DPYD: variants seen among roughly 807,000 people sequenced by gnomAD.
The protein encoded by DPYD is dihydropyrimidine dehydrogenase.
A neutral mutation model predicts 116.2 loss-of-function variants in DPYD; 109 were observed. The ratio of observed to expected loss-of-function variants is 0.94; its 90% CI spans 0.80 to 1.10. The LOEUF is 1.10. Ranked by LOEUF, DPYD falls within the 50% of genes least tolerant of loss-of-function variation. The pLI is 0.00. For missense variants in DPYD, 1,302 were observed against 1,254.5 expected (o/e 1.04, Z -0.57); for synonymous variants, 440 against 432.0 (o/e 1.02, Z -0.23).
chr1:97,316,781 C>T (rs1405685853), intron 16 of DPYD, among the ~76,000 whole-genome samples: 1 of 151,790 alleles, frequency 6.6e-6, no homozygotes, highest in Non-Finnish European at 1.5e-5. Flanking sequence ...AGCCTCTATG[C>T]CTGCCTGAAT....
intron 19 of DPYD, among the ~76,000 whole-genome samples, chr1:97,222,755 A>G (rs899647120): frequency 6.6e-6 from 1 of 152,098 alleles, no homozygotes; most frequent in African/African-American, 2.4e-5. Flanking sequence ...TAAAGTTGTA[A>G]GTGAAACATT....
At chr1:97,633,993 A>AT (rs1361773517) in intron 8 of DPYD, among the ~76,000 whole-genome samples, 4 of 152,058 alleles carry the variant, frequency 2.6e-5, no homozygotes, top group African/African-American at 9.7e-5. Context: ...TTTTAGACAG[A>AT]TAAGGGGAAA....
chr1:97,841,977 TA>T (rs895900234), intron 2 of DPYD, among the ~76,000 whole-genome samples: 19 of 151,906 alleles, frequency 1.3e-4, no homozygotes, highest in African/African-American at 4.3e-4. Flanking sequence ...ATATGTAGAA[TA>T]AAAATTTGCA....
intron 19 of DPYD, among the ~76,000 whole-genome samples, chr1:97,227,552 A>T (rs895638572): frequency 4.0e-5 from 6 of 151,858 alleles, no homozygotes; most frequent in Admixed American, 3.9e-4. Flanking sequence ...ACCCACAAAA[A>T]TTTTAAGAAG....
intron 1 of DPYD, among the ~76,000 whole-genome samples, chr1:97,909,676 T>G (rs928560311): frequency 6.6e-6 from 1 of 152,058 alleles, no homozygotes; most frequent in Non-Finnish European, 1.5e-5. Flanking sequence ...TCCTCCTCCC[T>G]TGGTTTCTTG....
intron 5 of DPYD, among the ~76,000 whole-genome samples, chr1:97,707,130 AGTCATTAGGTCATGAC>A (rs1480991416): frequency 6.6e-6 from 1 of 152,056 alleles, no homozygotes; most frequent in Non-Finnish European, 1.5e-5. Flanking sequence ...GTTTTTAAAA[AGTCATTAGGTCATGAC>A]TTAGGAGGTG....
chr1:97,887,189 T>C (rs1345344655), intron 1 of DPYD, among the ~76,000 whole-genome samples: 1 of 151,854 alleles, frequency 6.6e-6, no homozygotes, highest in Admixed American at 6.6e-5. Flanking sequence ...AAATAGTATA[T>C]CCAGGCCAGG....
At chr1:97,156,036 T>C (rs1299556821) in intron 20 of DPYD, among the ~76,000 whole-genome samples, 1 of 152,196 alleles carries the variant, frequency 6.6e-6, no homozygotes, top group Non-Finnish European at 1.5e-5. Context: ...TTGGGTACCA[T>C]GTTGTGAGTA....
chr1:97,501,807 G>T (rs958563122), intron 13 of DPYD, among the ~76,000 whole-genome samples: 1 of 151,978 alleles, frequency 6.6e-6, no homozygotes, highest in Non-Finnish European at 1.5e-5. Flanking sequence ...CTTTGAGTCA[G>T]CTACGAAGAA....
At chr1:97,720,125 G>A (rs1414629979) in intron 5 of DPYD, 1 of 984,262 alleles carries the variant, frequency 1.0e-6, no homozygotes, top group Non-Finnish European at 1.2e-6. Flanking sequence ...GAGGAATAAT[G>A]TATTTCCCTG....
intron 4 of DPYD, among the ~76,000 whole-genome samples, chr1:97,738,822 A>G (rs1301019005): frequency 1.3e-5 from 2 of 152,164 alleles, no homozygotes; most frequent in Non-Finnish European, 2.9e-5. Flanking sequence ...GAATATGAAC[A>G]AATTAATGAA....
chr1:97,487,794 A>G (rs1327682443), intron 13 of DPYD, among the ~76,000 whole-genome samples: 2 of 152,248 alleles, frequency 1.3e-5, no homozygotes, highest in East Asian at 1.9e-4. Context: ...AAGAATGTGG[A>G]AAAACTAGAT....
At chr1:97,878,119 C>A (rs1040378574) in intron 2 of DPYD, among the ~76,000 whole-genome samples, 9 of 151,916 alleles carry the variant, frequency 5.9e-5, no homozygotes, top group African/African-American at 2.2e-4. Context: ...TAGCTAAATT[C>A]TCATCTCTGC....
chr1:97,129,314 C>T (rs1653095042), intron 20 of DPYD, among the ~76,000 whole-genome samples: 1 of 152,118 alleles, frequency 6.6e-6, no homozygotes, highest in Non-Finnish European at 1.5e-5. Context: ...GATCCTCCTG[C>T]CTTGGCCTCC....
At chr1:97,748,169 T>C (rs1327305860) in intron 3 of DPYD, among the ~76,000 whole-genome samples, 2 of 152,124 alleles carry the variant, frequency 1.3e-5, no homozygotes, top group Non-Finnish European at 2.9e-5. Flanking sequence ...GAAGGAAAAG[T>C]TATTTTCCTC....
At chr1:97,759,836 A>G (rs1334321887) in intron 3 of DPYD, among the ~76,000 whole-genome samples, 1 of 152,178 alleles carries the variant, frequency 6.6e-6, no homozygotes, top group Non-Finnish European at 1.5e-5. Context: ...CAGAGTTTCA[A>G]AGATGATCAG....
chr1:97,799,384 G>A (rs1667742686), intron 3 of DPYD, among the ~76,000 whole-genome samples: 1 of 151,812 alleles, frequency 6.6e-6, no homozygotes, highest in South Asian at 2.1e-4. Context: ...CAATCAGCAA[G>A]TTTTCAAAAA....
chr1:97,796,025 C>T (rs1015505846), intron 3 of DPYD, among the ~76,000 whole-genome samples: 2 of 151,964 alleles, frequency 1.3e-5, no homozygotes, highest in Admixed American at 6.6e-5. Flanking sequence ...TTGTATTGTA[C>T]AGCTGAAAAT....
intron 3 of DPYD, among the ~76,000 whole-genome samples, chr1:97,792,296 C>CA: frequency 6.6e-6 from 1 of 150,794 alleles, no homozygotes; most frequent in Non-Finnish European, 1.5e-5. Flanking sequence ...TTTTTTGAGA[C>CA]AGAGTCTTGC....
Sources: gnomAD v4.1 joint callset for allele counts (sites outside exome capture counted in the v4.1 genomes callset) on GRCh38, gnomAD v4.1.1 for gene constraint, MANE v1.5 for transcripts, NCBI Gene and HGNC (gene_info 2026-07-23, HGNC 2026-07-21) for gene names.